WDR17: variants seen among roughly 807,000 people sequenced by gnomAD.
WDR17 encodes WD repeat domain 17, also known as WD repeat-containing protein 17.
In WDR17, 143 loss-of-function variants were observed where a neutral mutation model predicts 161.7. The ratio of observed to expected loss-of-function variants is 0.88; its 90% confidence interval spans 0.77 to 1.02. The LOEUF is 1.02. WDR17 is among the 50% of genes least tolerant of loss of function. The pLI, the probability that WDR17 is intolerant of heterozygous loss-of-function variation, is 0.00. For missense variants in WDR17, 1,469 were observed against 1,520.9 expected, an observed-to-expected ratio of 0.97 and a Z score of 0.57; for synonymous variants, 517 against 515.6, an observed-to-expected ratio of 1.00 and a Z score of -0.04.
chr4:176,120,707 T>C (rs532680585), intron 4 of WDR17, among the ~76,000 whole-genome samples: 10 of 151,900 alleles, frequency 6.6e-5, no homozygotes, highest in Non-Finnish European at 1.5e-4. Context: ...AAAATAAGTA[T>C]TTTAACATTT....
In WDR17 at chr4:176,152,294, C is replaced by CAAAAAAAAAAAAAAAAAAA. The variant is rs397837505; in HGVS notation, c.2460+329_2460+347dup. The stretch of plus-strand genomic sequence containing the variant: ...TGGGCTACAGAAAGAGACCCTATCT[C>CAAAAAAAAAAAAAAAAAAA]AAAAAAAAAAAAAAAAAAAAGCCTG... On this transcript the variant is annotated intron_variant, in intron 17 of 28. Coordinates refer to ENST00000508596, the MANE Select transcript of WDR17 (RefSeq NM_181265.4). Among the ~76,000 whole-genome samples, 351 of 72,126 alleles carry CAAAAAAAAAAAAAAAAAAA rather than the reference C, an allele frequency of 4.9e-3. 17 individuals are homozygous for CAAAAAAAAAAAAAAAAAAA. The highest frequency in any genetic ancestry group is 7.8e-3 in the Non-Finnish European group (285 of 36,330). The allele number at this position is 72,126 out of a possible 152,430, so 47.3% of individuals were successfully genotyped here. A position where few individuals can be genotyped will look rare whatever the true frequency, so the allele number is the denominator to read the frequency against.
chr4:176,092,461 A>G (rs1471046396), intron 1 of WDR17, among the ~76,000 whole-genome samples: 1 of 152,172 alleles, frequency 6.6e-6, no homozygotes. Flanking sequence ...TAAAAGCTAT[A>G]TACATACTGA....
intron 1 of WDR17, among the ~76,000 whole-genome samples, chr4:176,101,848 C>G (rs1430659497): frequency 1.3e-5 from 2 of 152,026 alleles, no homozygotes; most frequent in Non-Finnish European, 2.9e-5. Context: ...AATCTAGACA[C>G]AGGCCTTATA....
intron 5 of WDR17, among the ~76,000 whole-genome samples, chr4:176,125,604 T>C (rs1393760813): frequency 7.0e-6 from 1 of 142,066 alleles, no homozygotes; most frequent in Non-Finnish European, 1.6e-5. Flanking sequence ...GAATATATTA[T>C]ATATGTGCAC....
intron 1 of WDR17, among the ~76,000 whole-genome samples, chr4:176,076,709 T>C (rs1215097849): frequency 6.6e-6 from 1 of 152,024 alleles, no homozygotes; most frequent in African/African-American, 2.4e-5. Flanking sequence ...TTTTTCATAA[T>C]CATTATTTTA....
rs1245807399 is a variant in WDR17 at position 176,182,593 on chromosome 4, TTTAGTATA to T, written c.*3016_*3023del. 2 of 152,062 alleles carry T rather than the reference TTTAGTATA, an allele frequency of 1.3e-5. No homozygotes were observed. Among genetic ancestry groups the T allele is most frequent in the African/African-American group, 4.8e-5 (2 of 41,420 alleles). 9.4% of individuals were successfully genotyped at this position (152,062 alleles called of 1,614,324 possible). On this transcript the variant is annotated 3_prime_UTR_variant, in exon 29 of 29. Transcript: ENST00000508596. This position sits in a 1 kb window ranked among gnomAD's most constrained non-coding sequence, Gnocchi z 4.2. ...TATTTGTAAAATTTAGTAGTTCATA[TTTAGTATA>T]TCAGTAATATAGAAGACATCTTTAT...
At chr4:176,130,078 T>C (rs1743109125) in intron 6 of WDR17, among the ~76,000 whole-genome samples, 1 of 152,206 alleles carries the variant, frequency 6.6e-6, no homozygotes, top group South Asian at 2.1e-4. Context: ...TTACCTCTTC[T>C]TTGACTTCTA....
At chr4:176,076,213 TAA>T (rs1491212703) in intron 1 of WDR17, among the ~76,000 whole-genome samples, 70 of 19,902 alleles carry the variant, frequency 3.5e-3, no homozygotes, top group Non-Finnish European at 3.4e-3. Context: ...TTTACATATA[TAA>T]TATATATATA....
At position 176,151,852 on chromosome 4, in the gene WDR17, T is replaced by C. The variant is rs1209230680; in HGVS notation, c.2345T>C (p.Phe782Ser). ...CTAACAACAGTCAAGATGTCTAAAT[T>C]TGGTGGTGGTATTGGTGTACCTGCT... The part of the protein sequence containing the change: ...QELTTVKMSK[F>S]GGGIGVPAKE... Residue 782 changes from phenylalanine to serine, a missense_variant, in exon 17 of 29, where the codon TTT becomes TCT. Physicochemically the swap from Phe to Ser is radical, Grantham distance 155. Transcript: ENST00000508596. 3 of 1,606,714 alleles carry C rather than the reference T, an allele frequency of 1.9e-6. No individual in the cohort carries two copies. Among genetic ancestry groups the C allele is most frequent in the Non-Finnish European group, 2.5e-6 (3 of 1,177,596 alleles).
intron 4 of WDR17, among the ~76,000 whole-genome samples, chr4:176,124,726 C>T (rs575200846): frequency 9.2e-5 from 14 of 152,294 alleles, no homozygotes; most frequent in Non-Finnish European, 4.4e-5. Flanking sequence ...CCTTTTAAAT[C>T]ACTATATGAT....
intron 6 of WDR17, among the ~76,000 whole-genome samples, chr4:176,130,293 T>C (rs1311581260): frequency 7.1e-6 from 1 of 141,468 alleles, no homozygotes; most frequent in Non-Finnish European, 1.6e-5. Context: ...TTAAACAAAA[T>C]ATCAACGAAA....
At chr4:176,141,575 GTGC>G (rs1037402608) in intron 10 of WDR17, among the ~76,000 whole-genome samples, 3 of 152,184 alleles carry the variant, frequency 2.0e-5, no homozygotes, top group African/African-American at 7.2e-5. Context: ...GACCACAGGT[GTGC>G]ACCACCACGC....
In WDR17 at chr4:176,137,539, T is replaced by C. The variant is rs1744608181; in HGVS notation, c.1287T>C (p.Ala429=). The change falls in exon 9 of 29, where the codon GCT becomes GCC. Residue 429 remains alanine, a synonymous_variant. Transcript: ENST00000508596. ...CCTAAGGTGGTTTAAATTGTATTGC[T>C]GGGGGAACTTCCCGAAATGGTGCTT... ...SWAPGGLNCI[A]GGTSRNGAFI... 2.5e-6 allele frequency: 4 copies of C among 1,602,440 alleles called. No individual in the cohort carries two copies. Among genetic ancestry groups the C allele is most frequent in the Non-Finnish European group, 3.4e-6 (4 of 1,172,560 alleles).
intron 21 of WDR17, 68 bp from the exon 22 acceptor site, chr4:176,163,086 C>G: frequency 1.3e-6 from 2 of 1,579,654 alleles, no homozygotes; most frequent in South Asian, 2.2e-5. Flanking sequence ...GCTTTATGAG[C>G]TTGGAGGGGA....
rs1458842505 is a variant in WDR17, at chr4:176,160,896, T to G, written c.2659-15T>G. On this transcript the variant is annotated splice_polypyrimidine_tract_variant and intron_variant, in intron 19 of 28. Transcript: ENST00000508596. ...AATTAGCTAAAGAATAATTCAACAT[T>G]TAATTAAATTCTAGGCTGCTTGTGA... 1.3e-6 allele frequency: 2 copies of G among 1,571,594 alleles called. No individual in the cohort carries two copies. The highest frequency in any genetic ancestry group is 1.9e-5 in the Admixed American group (1 of 53,734).
chr4:176,168,942 T>C (rs530579868), intron 23 of WDR17, among the ~76,000 whole-genome samples, 159 bp downstream of exon 23: 1 of 152,334 alleles, frequency 6.6e-6, no homozygotes, highest in South Asian at 2.1e-4. Flanking sequence ...GGAAGTAACA[T>C]TTACTGAACT....
At chr4:176,144,895 T>C (rs1053946896) in intron 11 of WDR17, among the ~76,000 whole-genome samples, 3 of 152,068 alleles carry the variant, frequency 2.0e-5, no homozygotes, top group African/African-American at 4.8e-5. Context: ...TATAAAAATA[T>C]ACTCATATAT....
chr4:176,130,376 G>A (rs1364667225), intron 6 of WDR17, among the ~76,000 whole-genome samples: 5 of 152,098 alleles, frequency 3.3e-5, no homozygotes, highest in Non-Finnish European at 7.4e-5. Flanking sequence ...TGGACTTTCT[G>A]TAATTCTCAG....
At chr4:176,167,895 C>G (rs1426881933) in intron 22 of WDR17, among the ~76,000 whole-genome samples, 1 of 133,158 alleles carries the variant, frequency 7.5e-6, no homozygotes, top group Non-Finnish European at 1.7e-5. Context: ...GCCTGTAATC[C>G]CAACACTTCG....
Sources: allele counts gnomAD v4.1 joint callset (sites outside exome capture counted in the v4.1 genomes callset), GRCh38; gene constraint gnomAD v4.1.1; non-coding constraint Gnocchi (gnomAD v3.1); transcripts MANE v1.5; gene names NCBI Gene and HGNC (gene_info 2026-07-23, HGNC 2026-07-21).